Variants in SIM1 observed in about 807,000 individuals in gnomAD.
SIM1 encodes single-minded homolog 1.
Under a neutral mutation model 78.2 loss-of-function variants are expected in SIM1, and 18 were observed. That is an observed-to-expected ratio of 0.23 (90% confidence interval 0.16 to 0.34). SIM1 has a LOEUF of 0.34. SIM1 is among the 10% of genes least tolerant of loss of function. The probability of loss-of-function intolerance (pLI) is 1.00; values close to 1 mark genes in which losing one functional copy is unlikely to be tolerated. For synonymous variants in SIM1, 417 were observed against 385.2 expected (o/e 1.08, Z -0.97); for missense variants, 939 against 975.1 (o/e 0.96, Z 0.49).
chr6:100,427,354 G>A (rs1771763315), intron 9 of SIM1: 1 of 152,208 alleles, frequency 6.6e-6, no homozygotes, highest in African/African-American at 2.4e-5. Flanking sequence ...TTGATCTGGT[G>A]ATTTTAATAG....
chr6:100,424,038 T>C (rs1273112607), intron 9 of SIM1, among the ~76,000 whole-genome samples: 7 of 151,892 alleles, frequency 4.6e-5, no homozygotes, highest in African/African-American at 1.4e-4. Flanking sequence ...GATTTATTTT[T>C]CTCTTGCACA....
chr6:100,463,008 C>T (rs1772893489), intron 2 of SIM1: 2 of 333,774 alleles, frequency 6.0e-6, no homozygotes, highest in East Asian at 4.8e-5. Context: ...TTCAATTGAG[C>T]CTAGTATCTG....
chr6:100,422,350 GCCA>G (rs1170008856), intron 9 of SIM1, among the ~76,000 whole-genome samples: 1 of 151,918 alleles, frequency 6.6e-6, no homozygotes, highest in African/African-American at 2.4e-5. Flanking sequence ...ATTACTGGCA[GCCA>G]CCACAACACC....
At position 100,413,903 on chromosome 6, in the gene SIM1, A is replaced by G. The variant is rs3798501; in HGVS notation, c.1167+6887T>C. Among the ~76,000 whole-genome samples the G allele has an allele frequency of 2.0e-4, 30 of 152,254 alleles. No individual in the cohort carries two copies. In the East Asian group the frequency reaches 5.6e-3, roughly 28 times the overall value. ...CTTCCACCTCTTTACCCTTCTGCACACTGTCTCCTAAAATGTTCCCTTTCT... is the reference window on the plus strand; with the variant it reads ...CTTCCACCTCTTTACCCTTCTGCACGCTGTCTCCTAAAATGTTCCCTTTCT... On this transcript the variant is annotated intron_variant, in intron 10 of 11. Coordinates refer to ENST00000369208, the MANE Select transcript of SIM1 (RefSeq NM_005068.3).
In SIM1 at chr6:100,402,240, TG is replaced by T. The variant is rs1770932371; in HGVS notation, c.1168-8352del. ...TAGACTATATTGTCTAGAAAAACCT[TG>T]TTTTCAGTACCATCTTATAGGCAGG... On this transcript the variant is annotated intron_variant, in intron 10 of 11. Transcript: ENST00000369208. Among the ~76,000 whole-genome samples, 3 of 152,304 alleles carry T rather than the reference TG, an allele frequency of 2.0e-5. No individual in the cohort carries two copies. In the South Asian group the frequency reaches 6.2e-4, roughly 32 times the overall value.
intron 10 of SIM1, among the ~76,000 whole-genome samples, chr6:100,415,154 C>G (rs961280035): frequency 6.6e-6 from 1 of 152,056 alleles, no homozygotes; most frequent in African/African-American, 2.4e-5. Context: ...TACAAACATG[C>G]CAGTGAGAAG....
At chr6:100,436,478 A>T (rs1772053198) in intron 9 of SIM1, among the ~76,000 whole-genome samples, 1 of 152,152 alleles carries the variant, frequency 6.6e-6, no homozygotes, top group African/African-American at 2.4e-5. Flanking sequence ...CTTTCCCTCC[A>T]TTGGTCCAAA....
intron 2 of SIM1, among the ~76,000 whole-genome samples, chr6:100,462,165 A>G (rs1400160180): frequency 6.6e-6 from 1 of 152,008 alleles, no homozygotes; most frequent in Non-Finnish European, 1.5e-5. Context: ...TTAACGGAAA[A>G]CCACAAACCC....
chr6:100,411,214 T>C (rs1028187493), intron 10 of SIM1, among the ~76,000 whole-genome samples: 5 of 152,186 alleles, frequency 3.3e-5, no homozygotes, highest in African/African-American at 1.2e-4. Flanking sequence ...ACACAGCCAC[T>C]CAACTGCCGA....
At position 100,386,488 on chromosome 6, in the gene SIM1, C is replaced by A. The variant is rs913386042; in HGVS notation, c.*3873G>T. 1.3e-5 allele frequency: 2 copies of A among 152,032 alleles called. No homozygotes were observed. Among genetic ancestry groups the A allele is most frequent in the African/African-American group, 4.8e-5 (2 of 41,432 alleles). The allele number at this position is 152,032 out of a possible 1,614,324, so 9.4% of individuals were successfully genotyped here. On this transcript the variant is annotated 3_prime_UTR_variant, in exon 12 of 12. Transcript: ENST00000369208. ...TCCATCAAACTTACTTGGTTTAGAT[C>A]TTGAGGGCGGAAATCTTGTATTTCA...
At chr6:100,405,394 T>C (rs1477923526) in intron 10 of SIM1, among the ~76,000 whole-genome samples, 1 of 152,152 alleles carries the variant, frequency 6.6e-6, no homozygotes, top group African/African-American at 2.4e-5. Flanking sequence ...CAAAATTCAG[T>C]TAATAAAAGT....
chr6:100,448,040 G>A (rs1772407516), intron 8 of SIM1, 106 bp downstream of exon 8: 3 of 869,374 alleles, frequency 3.5e-6, no homozygotes, highest in Non-Finnish European at 5.3e-6. Flanking sequence ...CCGGCTCCCT[G>A]GGCTCCCACC....
chr6:100,431,692 C>G (rs973996218), intron 9 of SIM1, among the ~76,000 whole-genome samples: 1 of 152,178 alleles, frequency 6.6e-6, no homozygotes, highest in Non-Finnish European at 1.5e-5. Flanking sequence ...TAGTTAACAA[C>G]AGAGCCCGTT....
Position 100,393,719 on chromosome 6 carries a change from G to C in SIM1, c.1338C>G (p.Cys446Trp), listed in dbSNP as rs756000186. ...YRQFSDRSSL[C>W]YGFALDHSRL... ...TCGAGTGGTCAAGCGCAAAGCCATA[G>C]CAGAGAGAGCTGCGGTCCGAAAACT... Residue 446 changes from cysteine to tryptophan, a missense_variant, in exon 11 of 12, where the codon TGC (cysteine) becomes TGG (tryptophan). Transcript: ENST00000369208. 1 of 1,614,242 alleles carries C rather than the reference G, an allele frequency of 6.2e-7. No individual in the cohort carries two copies. Among genetic ancestry groups the C allele is most frequent in the South Asian group, 1.1e-5 (1 of 91,086 alleles).
At chr6:100,394,245 G>A (rs1467607621) in intron 10 of SIM1, among the ~76,000 whole-genome samples, 1 of 152,154 alleles carries the variant, frequency 6.6e-6, no homozygotes, top group African/African-American at 2.4e-5. Context: ...CCCCAGTTTA[G>A]GGATAGAGAA....
intron 9 of SIM1, among the ~76,000 whole-genome samples, chr6:100,436,347 G>A (rs1772048889): frequency 6.6e-6 from 1 of 152,148 alleles, no homozygotes; most frequent in Admixed American, 6.5e-5. Context: ...TGTTCAATAA[G>A]CCTTTTATGA....
chr6:100,389,393 C>A lies in SIM1; in HGVS notation c.*968G>T. Reference sequence around the variant, plus strand: ...TTAACACTGCTGTCATGTGGCACTTCACTGGTTTTCCTTTTATTTTTGCAC... The same window carrying A: ...TTAACACTGCTGTCATGTGGCACTTAACTGGTTTTCCTTTTATTTTTGCAC... On this transcript the variant is annotated 3_prime_UTR_variant, in exon 12 of 12. Coordinates refer to ENST00000369208, the MANE Select transcript of SIM1 (RefSeq NM_005068.3). The A allele has an allele frequency of 2.6e-6, 1 of 383,766 alleles. No homozygotes were observed. The allele number at this position is 383,766 out of a possible 1,614,324, so 23.8% of individuals were successfully genotyped here.
At chr6:100,448,355 T>G in intron 7 of SIM1, 103 bp from the exon 8 acceptor site, 1 of 1,374,266 alleles carries the variant, frequency 7.3e-7, no homozygotes, top group South Asian at 1.3e-5. Flanking sequence ...CCGCCCTCAC[T>G]TTCCAGGGCC....
At position 100,448,673 on chromosome 6, in the gene SIM1, G is replaced by A. The variant is rs1772429160; in HGVS notation, c.549C>T (p.Ile183=). Residue 183 remains isoleucine (I), a synonymous_variant, in exon 7 of 12, where the codon ATC becomes ATT. Transcript: ENST00000369208. ...AGLTCGGYKV[I]HCSGYLKIRQ... is the part of the protein sequence containing the mutation. ...GGATCTTCAAGTAGCCGCTGCAGTG[G>A]ATGACCTGAGGCAGAGGGATAGGGA... The A allele has an allele frequency of 6.2e-7, 1 of 1,610,240 alleles. No individual in the cohort carries two copies. The highest frequency in any genetic ancestry group is 2.2e-5 in the East Asian group (1 of 44,866).
Sources: allele counts gnomAD v4.1 joint callset (sites outside exome capture counted in the v4.1 genomes callset), GRCh38; gene constraint gnomAD v4.1.1; transcripts MANE v1.5; gene names NCBI Gene and HGNC (gene_info 2026-07-23, HGNC 2026-07-21).